The following PGM5 variants were observed in gnomAD, a reference collection of about 807,000 sequenced individuals.
PGM5 encodes phosphoglucomutase 5, also known as phosphoglucomutase-like protein 5.
In PGM5, 23 loss-of-function variants were observed where a neutral mutation model predicts 59.2. That is an observed-to-expected ratio of 0.39 (90% CI 0.28 to 0.55). PGM5 has a LOEUF of 0.55. Ranked by LOEUF, PGM5 falls within the 20% of genes least tolerant of loss-of-function variation. The probability of loss-of-function intolerance (pLI) is 0.66; values close to 1 mark genes in which losing one functional copy is unlikely to be tolerated. For missense variants in PGM5, 574 were observed against 748.3 expected (o/e 0.77, Z 2.72); for synonymous variants, 214 against 286.0 (o/e 0.75, Z 2.54).
At chr9:68,507,897 A>T (rs1554689106) in intron 10 of PGM5, among the ~76,000 whole-genome samples, 3 of 152,078 alleles carry the variant, frequency 2.0e-5, no homozygotes, top group Admixed American at 1.3e-4. Context: ...ACTCCTTGGG[A>T]GGGTTGGTCA....
At chr9:68,436,957 A>T (rs1234711559) in intron 6 of PGM5, among the ~76,000 whole-genome samples, 1 of 152,226 alleles carries the variant, frequency 6.6e-6, no homozygotes, top group Non-Finnish European at 1.5e-5. Flanking sequence ...CCCATCAGCT[A>T]AGTGAACCAG....
In PGM5 at chr9:68,386,981, AG is replaced by A. The variant is rs1822237538; in HGVS notation, c.572-480del. Among the ~76,000 whole-genome samples, 3 of 151,944 alleles carry A rather than the reference AG, an allele frequency of 2.0e-5. No homozygotes were observed. In the South Asian group the frequency reaches 6.2e-4, roughly 32 times the overall value. On this transcript the variant is annotated intron_variant, in intron 3 of 10. Coordinates refer to ENST00000396396, the MANE Select transcript of PGM5 (RefSeq NM_021965.4). ...CACCAATTCTGCACTCGAATCTGGT[AG>A]GCACAATGGCTTTTGGAAAATAGGG...
intron 6 of PGM5, among the ~76,000 whole-genome samples, chr9:68,417,110 C>G (rs563380817): frequency 6.6e-6 from 1 of 152,326 alleles, no homozygotes; most frequent in South Asian, 2.1e-4. Flanking sequence ...GCTGATAAGA[C>G]AAACACTCTC....
At chr9:68,389,896 A>G (rs1242056579) in intron 4 of PGM5, among the ~76,000 whole-genome samples, 1 of 152,084 alleles carries the variant, frequency 6.6e-6, no homozygotes, top group Non-Finnish European at 1.5e-5. Context: ...ATCTTCACCA[A>G]TACTTGGTAC....
chr9:68,377,144 C>G (rs1821942297), intron 1 of PGM5, among the ~76,000 whole-genome samples: 1 of 152,048 alleles, frequency 6.6e-6, no homozygotes, highest in Non-Finnish European at 1.5e-5. Flanking sequence ...CCAGGCTGGT[C>G]TCGAACTCTG....
At chr9:68,392,738 A>G (rs1822397573) in intron 6 of PGM5, among the ~76,000 whole-genome samples, 1 of 152,078 alleles carries the variant, frequency 6.6e-6, no homozygotes, top group East Asian at 1.9e-4. Context: ...GGATAATAAT[A>G]GTGGTATCTT....
rs1563984722 is a variant in PGM5, at chr9:68,376,811, T to TTCTTTCTTTCTTTCTTTC, written c.262-1386_262-1369dup. ...TTTCTTTCTTTCTTTCTTTCTTTCT[T>TTCTTTCTTTCTTTCTTTC]TCTTTCTTTCTTTCTTTCTTTCTCT... On this transcript the variant is annotated intron_variant, in intron 1 of 10. Coordinates refer to ENST00000396396, the MANE Select transcript of PGM5 (RefSeq NM_021965.4). Among the ~76,000 whole-genome samples, 521 of 111,780 alleles carry TTCTTTCTTTCTTTCTTTC rather than the reference T, an allele frequency of 4.7e-3. 3 individuals carry two copies. Among genetic ancestry groups the TTCTTTCTTTCTTTCTTTC allele is most frequent in the Non-Finnish European group, 6.6e-3 (356 of 53,926 alleles). The allele number at this position is 111,780 out of a possible 152,430, so 73.3% of individuals were successfully genotyped here.
intron 9 of PGM5, among the ~76,000 whole-genome samples, chr9:68,496,521 G>GA (rs1156846661): frequency 6.6e-6 from 1 of 152,198 alleles, no homozygotes; most frequent in East Asian, 1.9e-4. Context: ...AGGAAAGAGG[G>GA]AAGATGCTGG....
intron 6 of PGM5, chr9:68,426,818 T>A (rs1343091391): frequency 6.6e-6 from 1 of 152,188 alleles, no homozygotes; most frequent in Non-Finnish European, 1.5e-5. Context: ...GAATCTACAT[T>A]TGGTGGCCAT....
intron 4 of PGM5, among the ~76,000 whole-genome samples, chr9:68,389,941 T>G (rs1822322827): frequency 6.6e-6 from 1 of 152,136 alleles, no homozygotes; most frequent in Non-Finnish European, 1.5e-5. Context: ...TTCTACTCTA[T>G]CTTGTTAATC....
intron 10 of PGM5, among the ~76,000 whole-genome samples, chr9:68,514,584 G>GC (rs1824798269): frequency 6.6e-6 from 1 of 152,096 alleles, no homozygotes; most frequent in African/African-American, 2.4e-5. Flanking sequence ...CAGCTTGTGT[G>GC]ACAGAGTGAG....
At chr9:68,498,888 C>T (rs1365399204) in intron 9 of PGM5, 1 of 251,942 alleles carries the variant, frequency 4.0e-6, no homozygotes, top group Non-Finnish European at 7.8e-6. Context: ...AACTTTGGCC[C>T]TAGGAATATT....
At chr9:68,492,618 CGAAG>C (rs1824410990) in intron 9 of PGM5, among the ~76,000 whole-genome samples, 1 of 152,092 alleles carries the variant, frequency 6.6e-6, no homozygotes, top group African/African-American at 2.4e-5. Flanking sequence ...CCAAGCCAGC[CGAAG>C]GAAGGATGGT....
intron 6 of PGM5, among the ~76,000 whole-genome samples, chr9:68,438,151 T>C (rs988263306): frequency 2.6e-5 from 4 of 151,678 alleles, no homozygotes; most frequent in African/African-American, 9.7e-5. Flanking sequence ...TAGCTGAGCG[T>C]GGTGGCACAC....
intron 10 of PGM5, among the ~76,000 whole-genome samples, chr9:68,514,242 G>A (rs553990063): frequency 6.6e-6 from 1 of 151,778 alleles, no homozygotes; most frequent in East Asian, 1.9e-4. Context: ...CTGAGGTGGG[G>A]AGGATCCCTT....
chr9:68,521,321 A>G (rs1286608066), intron 10 of PGM5, among the ~76,000 whole-genome samples: 7 of 152,354 alleles, frequency 4.6e-5, no homozygotes, highest in African/African-American at 1.7e-4. Context: ...AAAACTTAGA[A>G]TCCAAGGCAC....
At chr9:68,401,925 GTGTGTA>G (rs1217300994) in intron 6 of PGM5, among the ~76,000 whole-genome samples, 12,744 of 74,296 alleles carry the variant, frequency 0.17, 827 homozygotes, top group African/African-American at 0.32. Flanking sequence ...GTGTGTGTGT[GTGTGTA>G]TATATTTGTC....
intron 9 of PGM5, chr9:68,496,866 C>A (rs73649808): frequency 6.6e-6 from 1 of 152,234 alleles, no homozygotes; most frequent in African/African-American, 2.4e-5. Context: ...AAGAGGTAAT[C>A]CCAAGTGACT....
chr9:68,491,667 G>A (rs187274761), intron 9 of PGM5, among the ~76,000 whole-genome samples: 16 of 152,226 alleles, frequency 1.1e-4, no homozygotes, highest in East Asian at 5.8e-4. Context: ...AAGGCCAAAC[G>A]CATATTCAGT....
Sources: allele counts gnomAD v4.1 joint callset (sites outside exome capture counted in the v4.1 genomes callset), GRCh38; gene constraint gnomAD v4.1.1; transcripts MANE v1.5; gene names NCBI Gene and HGNC (gene_info 2026-07-23, HGNC 2026-07-21).